Variants in FOXP2 observed in about 807,000 individuals in gnomAD.
The protein encoded by FOXP2 is forkhead box protein P2.
A neutral mutation model predicts 115.8 loss-of-function variants in FOXP2; 12 were observed. That is an observed-to-expected ratio of 0.10 (90% CI 0.07 to 0.17). The LOEUF is 0.17. Ranked by LOEUF, FOXP2 falls within the 10% of genes least tolerant of loss-of-function variation. FOXP2 has a pLI of 1.00. For synonymous variants in FOXP2, 328 were observed against 297.7 expected (o/e 1.10, Z -1.05); for missense variants, 629 against 843.5 (o/e 0.75, Z 3.15).
intron 1 of FOXP2, among the ~76,000 whole-genome samples, chr7:114,208,253 A>G (rs1484805077): frequency 6.6e-6 from 1 of 152,098 alleles, no homozygotes; most frequent in Non-Finnish European, 1.5e-5. Flanking sequence ...GTCAAAGGAG[A>G]TCATTTTGGA....
At chr7:114,622,694 G>A (rs868461668) in intron 3 of FOXP2, among the ~76,000 whole-genome samples, 3 of 151,840 alleles carry the variant, frequency 2.0e-5, no homozygotes, top group Non-Finnish European at 4.4e-5. Flanking sequence ...TCTTTTATCA[G>A]GACAGCTTGC....
intron 2 of FOXP2, among the ~76,000 whole-genome samples, chr7:114,485,473 T>G (rs189550795): frequency 1.3e-5 from 2 of 152,034 alleles, no homozygotes; most frequent in East Asian, 3.9e-4. Context: ...CAGATACTTA[T>G]TTCTGAACTT....
chr7:114,533,508 C>T (rs1232204687), intron 2 of FOXP2, among the ~76,000 whole-genome samples: 1 of 151,912 alleles, frequency 6.6e-6, no homozygotes, highest in African/African-American at 2.4e-5. Flanking sequence ...AAAACCAGAT[C>T]ATTGATTACA....
At chr7:114,420,997 T>A (rs1343416684) in intron 1 of FOXP2, among the ~76,000 whole-genome samples, 1 of 151,688 alleles carries the variant, frequency 6.6e-6, no homozygotes, top group Non-Finnish European at 1.5e-5. Flanking sequence ...TTTTGAAATA[T>A]ATTTTTGAGT....
At chr7:114,689,712 A>T in intron 16 of FOXP2, 70 bp from the exon 17 acceptor site, 1 of 1,548,556 alleles carries the variant, frequency 6.5e-7, no homozygotes, top group Non-Finnish European at 8.9e-7. Flanking sequence ...TGACCTCTTC[A>T]CTGCAAAGTT....
At chr7:114,505,612 A>G (rs1797771929) in intron 2 of FOXP2, among the ~76,000 whole-genome samples, 1 of 149,614 alleles carries the variant, frequency 6.7e-6, no homozygotes, top group African/African-American at 2.4e-5. Context: ...TGTCTAATTG[A>G]TTTCAGAACA....
chr7:114,427,957 T>C (rs912829643), intron 2 of FOXP2, among the ~76,000 whole-genome samples: 6 of 151,726 alleles, frequency 4.0e-5, no homozygotes, highest in African/African-American at 1.4e-4. Flanking sequence ...GTTTTAACAA[T>C]CATAGGAATT....
chr7:114,565,017 A>C (rs370649967), intron 3 of FOXP2, among the ~76,000 whole-genome samples: 15 of 151,898 alleles, frequency 9.9e-5, no homozygotes, highest in African/African-American at 3.6e-4. Flanking sequence ...ATATTTCACA[A>C]ATGTAGCTTT....
rs111552497 is a variant in FOXP2 at position 114,219,120 on chromosome 7, G to A, written c.-102+56032G>A. 1.1e-4 allele frequency among the ~76,000 whole-genome samples: 17 copies of A among 152,000 alleles called. No individual in the cohort carries two copies. The South Asian group carries it at 1.7e-3, about 15-fold the overall frequency. ...TTTAGTTTAAAAGCTACTAGTTTTC[G>A]AAAAAGATTAATTATACTAACTTTC... is the stretch of plus-strand genomic sequence containing the variant. On this transcript the variant is annotated intron_variant, in intron 1 of 17. Transcript: ENST00000634411.
Position 114,362,008 on chromosome 7 carries a change from T to C in FOXP2, c.-10-64494T>C, listed in dbSNP as rs1311798678. ...CAAAAATGCTGAAAGGGAACTTGGA[T>C]AAAGGTGGAAAAAAGGTTCAAAAAT... On this transcript the variant is annotated intron_variant, in intron 2 of 17. Transcript: ENST00000634411. 3.3e-5 allele frequency among the ~76,000 whole-genome samples: 5 copies of C among 151,820 alleles called. No homozygotes were observed. In the East Asian group the frequency reaches 9.6e-4, roughly 29 times the overall value.
At chr7:114,272,596 T>C (rs999571664) in intron 1 of FOXP2, among the ~76,000 whole-genome samples, 2 of 151,954 alleles carry the variant, frequency 1.3e-5, no homozygotes, top group African/African-American at 4.8e-5. Context: ...TTTCTTCTTA[T>C]ATGAGTTTTG....
At chr7:114,509,679 G>T (rs1797980978) in intron 2 of FOXP2, among the ~76,000 whole-genome samples, 1 of 144,904 alleles carries the variant, frequency 6.9e-6, no homozygotes, top group South Asian at 2.3e-4. Flanking sequence ...GTGGGGGGGG[G>T]GCTTGTTAAT....
chr7:114,307,639 A>C (rs1285058051), intron 2 of FOXP2, among the ~76,000 whole-genome samples: 1 of 152,206 alleles, frequency 6.6e-6, no homozygotes, highest in East Asian at 1.9e-4. Context: ...AGGCAGATTC[A>C]CTGAATAGCT....
Position 114,690,465 on chromosome 7 carries a change from A to G in FOXP2, c.*539A>G, listed in dbSNP as rs1012574433. Reference sequence around the variant, plus strand: ...CACTGCTTGTATCTAGCTGAATTTTAAACAACAGAACATTAGTTTTTTATG... The same window carrying G: ...CACTGCTTGTATCTAGCTGAATTTTGAACAACAGAACATTAGTTTTTTATG... On this transcript the variant is annotated 3_prime_UTR_variant, in exon 17 of 17. Coordinates refer to ENST00000350908, the MANE Select transcript of FOXP2 (RefSeq NM_014491.4). 2.2e-6 allele frequency: 1 copy of G among 453,812 alleles called. No individual in the cohort carries two copies. The highest frequency in any genetic ancestry group is 2.0e-5 in the African/African-American group (1 of 49,988). The allele number at this position is 453,812 out of a possible 1,614,324, so 28.1% of individuals were successfully genotyped here. A position where few individuals can be genotyped will look rare whatever the true frequency, so the allele number is the denominator to read the frequency against.
At chr7:114,302,782 G>A (rs1396064738) in intron 2 of FOXP2, among the ~76,000 whole-genome samples, 3 of 152,150 alleles carry the variant, frequency 2.0e-5, no homozygotes, top group Admixed American at 2.0e-4. Flanking sequence ...TGCTGGACTT[G>A]AATAAGCAAG....
At chr7:114,359,405 C>A (rs1374986852) in intron 2 of FOXP2, among the ~76,000 whole-genome samples, 2 of 152,182 alleles carry the variant, frequency 1.3e-5, no homozygotes, top group Non-Finnish European at 2.9e-5. Flanking sequence ...TGGGAGCCCC[C>A]ACAAATGGTC....
intron 1 of FOXP2, among the ~76,000 whole-genome samples, chr7:114,223,515 A>T (rs953734335): frequency 4.1e-5 from 6 of 145,226 alleles, no homozygotes; most frequent in Middle Eastern, 3.7e-3. Context: ...TATAATATAT[A>T]TATAATATGT....
At chr7:114,187,527 A>G (rs1247048134) in intron 1 of FOXP2, among the ~76,000 whole-genome samples, 1 of 152,174 alleles carries the variant, frequency 6.6e-6, no homozygotes, top group Admixed American at 6.5e-5. Context: ...ATCTCTAGGC[A>G]GATTCAGATT....
At chr7:114,304,994 T>C (rs1428367981) in intron 2 of FOXP2, among the ~76,000 whole-genome samples, 1 of 152,190 alleles carries the variant, frequency 6.6e-6, no homozygotes, top group East Asian at 1.9e-4. Context: ...ATAAAATTTT[T>C]ACTATGCTGT....
Sources: gnomAD v4.1 joint callset for allele counts (sites outside exome capture counted in the v4.1 genomes callset) on GRCh38, gnomAD v4.1.1 for gene constraint, MANE v1.5 for transcripts, NCBI Gene and HGNC (gene_info 2026-07-23, HGNC 2026-07-21) for gene names.